LRRIQ1: variants seen among roughly 807,000 people sequenced by gnomAD.
The protein encoded by LRRIQ1 is leucine rich repeats and IQ motif containing 1, also known as leucine-rich repeat- and IQ domain-containing protein 1.
In LRRIQ1, 210 loss-of-function variants were observed where a neutral mutation model predicts 211.9. The observed-to-expected ratio is 0.99, with a 90% CI of 0.89 to 1.11. The LOEUF is 1.11. LRRIQ1 is among the 50% of genes most tolerant of loss of function. The probability of loss-of-function intolerance (pLI) is 0.00; values close to 1 mark genes in which losing one functional copy is unlikely to be tolerated. For synonymous variants in LRRIQ1, 699 were observed against 650.1 expected (o/e 1.08, Z -1.14); for missense variants, 2,136 against 1,939.5 (o/e 1.10, Z -1.90).
intron 24 of LRRIQ1, among the ~76,000 whole-genome samples, chr12:85,199,324 G>C (rs757131018): frequency 6.6e-6 from 1 of 151,916 alleles, no homozygotes; most frequent in Non-Finnish European, 1.5e-5. Flanking sequence ...TCAATCTTTC[G>C]CATATAGGCA....
intron 25 of LRRIQ1, 87 bp from the exon 26 acceptor site, chr12:85,232,609 C>A (rs1894995464): frequency 3.8e-6 from 4 of 1,059,110 alleles, no homozygotes; most frequent in Admixed American, 4.8e-5. Flanking sequence ...TAACGAATTT[C>A]TCTCAAGCTT....
chr12:85,058,856 T>A (rs1175707391), intron 8 of LRRIQ1, among the ~76,000 whole-genome samples: 1 of 151,998 alleles, frequency 6.6e-6, no homozygotes, highest in Non-Finnish European at 1.5e-5. Context: ...TGGACTAATC[T>A]GAGTAGCAGT....
Position 85,072,866 on chromosome 12 carries a change from T to C in LRRIQ1, c.2696-41T>C, listed in dbSNP as rs778759173. ...GCTATAACCACTTGCATTTATTAAT[T>C]CGTCTTATATATTTGGTCTTAATTC... On this transcript the variant is annotated intron_variant, in intron 10 of 26. Coordinates refer to ENST00000393217, the MANE Select transcript of LRRIQ1 (RefSeq NM_001079910.2). 2.1e-6 allele frequency: 3 copies of C among 1,411,582 alleles called. No homozygotes were observed. In the East Asian group the frequency reaches 7.3e-5, roughly 34 times the overall value. The allele number at this position is 1,411,582 out of a possible 1,614,324, so 87.4% of individuals were successfully genotyped here. A position where few individuals can be genotyped will look rare whatever the true frequency, so the allele number is the denominator to read the frequency against.
intron 24 of LRRIQ1, among the ~76,000 whole-genome samples, chr12:85,168,557 T>C (rs1017598843): frequency 1.3e-5 from 2 of 152,106 alleles, no homozygotes; most frequent in Non-Finnish European, 2.9e-5. Flanking sequence ...TATAATGTCA[T>C]AGGAATAGGA....
At chr12:85,115,561 C>G (rs980026613) in intron 15 of LRRIQ1, among the ~76,000 whole-genome samples, 1 of 152,092 alleles carries the variant, frequency 6.6e-6, no homozygotes, top group Non-Finnish European at 1.5e-5. Flanking sequence ...GTATTCCTAA[C>G]GTAAAAATTC....
chr12:85,212,295 CA>C (rs1238179801), intron 24 of LRRIQ1, among the ~76,000 whole-genome samples: 2 of 151,230 alleles, frequency 1.3e-5, no homozygotes, highest in Non-Finnish European at 2.9e-5. Context: ...CTCAAAAAAA[CA>C]AACAAAAAAC....
In LRRIQ1 at chr12:85,098,903, T is replaced by A. The variant is rs901557780; in HGVS notation, c.3118T>A (p.Leu1040Met). The A allele has an allele frequency of 3.8e-6, 6 of 1,566,382 alleles. No individual in the cohort carries two copies. The highest frequency in any genetic ancestry group is 5.2e-6 in the Non-Finnish European group (6 of 1,155,224). Residue 1040 changes from leucine (L) to methionine (M), a missense_variant, in exon 13 of 27, where the codon TTG (leucine) becomes ATG (methionine). Physicochemically the swap from Leu to Met is conservative, Grantham distance 15. Transcript: ENST00000393217. ...GGAGAATCTTGTTTTACTAAGAGAA[T>A]TGCACTTGGATGATAACAGCATTTC... Reference protein sequence around the residue: ...SLENLVLLRELHLDDNSISTV... With the variant: ...SLENLVLLREMHLDDNSISTV...
At chr12:85,199,867 G>A (rs915220316) in intron 24 of LRRIQ1, among the ~76,000 whole-genome samples, 1 of 152,090 alleles carries the variant, frequency 6.6e-6, no homozygotes, top group African/African-American at 2.4e-5. Flanking sequence ...GAGATTTTGG[G>A]TGGGAACACA....
chr12:85,053,993 C>A (rs1224923043), intron 7 of LRRIQ1, among the ~76,000 whole-genome samples: 1 of 152,162 alleles, frequency 6.6e-6, no homozygotes, highest in East Asian at 1.9e-4. Flanking sequence ...AGATTTATTA[C>A]CACCCTTAAC....
intron 23 of LRRIQ1, among the ~76,000 whole-genome samples, chr12:85,157,560 G>A (rs939513676): frequency 1.3e-5 from 2 of 151,914 alleles, no homozygotes; most frequent in East Asian, 1.9e-4. Flanking sequence ...TTGAAATTTA[G>A]CAGATATCCA....
chr12:85,154,113 T>G lies in LRRIQ1; in HGVS notation c.4720+19T>G. On this transcript the variant is annotated intron_variant, in intron 23 of 26. Coordinates refer to ENST00000393217, the MANE Select transcript of LRRIQ1 (RefSeq NM_001079910.2). ...AAAATAGGTGAGTAATTAGTGCTCT[T>G]TGAATAATAACTGTGTATGGAAAAT... The G allele has an allele frequency of 7.3e-7, 1 of 1,376,574 alleles. No homozygotes were observed. The highest frequency in any genetic ancestry group is 9.9e-7 in the Non-Finnish European group (1 of 1,008,468). The allele number at this position is 1,376,574 out of a possible 1,614,324, so 85.3% of individuals were successfully genotyped here. A position where few individuals can be genotyped will look rare whatever the true frequency, so the allele number is the denominator to read the frequency against.
intron 23 of LRRIQ1, among the ~76,000 whole-genome samples, chr12:85,157,801 G>T (rs1890635153): frequency 6.6e-6 from 1 of 151,728 alleles, no homozygotes; most frequent in South Asian, 2.1e-4. Flanking sequence ...GTGGAGATTA[G>T]CTGGTAAGAG....
At chr12:85,126,011 A>G (rs907840823) in intron 17 of LRRIQ1, among the ~76,000 whole-genome samples, 10 of 152,158 alleles carry the variant, frequency 6.6e-5, no homozygotes, top group Admixed American at 4.6e-4. Flanking sequence ...AATTATTTGC[A>G]TGTGCTCTTA....
chr12:85,192,564 TTA>T (rs1892598897), intron 24 of LRRIQ1, among the ~76,000 whole-genome samples: 1 of 118,194 alleles, frequency 8.5e-6, no homozygotes. Flanking sequence ...TATAATATAA[TTA>T]TATATAAATA....
At chr12:85,065,506 A>G (rs1007913360) in intron 9 of LRRIQ1, 92 bp downstream of exon 9, 4 of 1,026,666 alleles carry the variant, frequency 3.9e-6, no homozygotes, top group Admixed American at 3.1e-5. Flanking sequence ...TGAAGAAACA[A>G]TTACTAAACT....
At chr12:85,126,614 T>A (rs954835746) in intron 17 of LRRIQ1, among the ~76,000 whole-genome samples, 21 of 152,196 alleles carry the variant, frequency 1.4e-4, no homozygotes, top group Admixed American at 1.1e-3. Context: ...TTCAAAGTAC[T>A]GGAAATTCAA....
intron 18 of LRRIQ1, among the ~76,000 whole-genome samples, chr12:85,134,722 G>T (rs1423156786): frequency 6.6e-6 from 1 of 151,786 alleles, no homozygotes; most frequent in Non-Finnish European, 1.5e-5. Flanking sequence ...TTGATTGTAA[G>T]AAAAAAGATA....
At chr12:85,052,772 G>C (rs79723048) in intron 7 of LRRIQ1, among the ~76,000 whole-genome samples, 11 of 151,524 alleles carry the variant, frequency 7.3e-5, no homozygotes, top group African/African-American at 2.7e-4. Flanking sequence ...ATATAAACCC[G>C]CTCCTGCAAA....
chr12:85,072,838 T>C, intron 10 of LRRIQ1, 69 bp from the exon 11 acceptor site: 20 of 1,109,648 alleles, frequency 1.8e-5, no homozygotes, highest in Non-Finnish European at 2.5e-5. Context: ...TTTTCTCATA[T>C]AAGCTATAAC....
Sources: allele counts gnomAD v4.1 joint callset (sites outside exome capture counted in the v4.1 genomes callset), GRCh38; gene constraint gnomAD v4.1.1; transcripts MANE v1.5; gene names NCBI Gene and HGNC (gene_info 2026-07-23, HGNC 2026-07-21).